The following NCOR2 variants were observed in gnomAD, a reference collection of about 807,000 sequenced individuals.
The protein encoded by NCOR2 is nuclear receptor corepressor 2, also known as CTG repeat protein 26.
In NCOR2, 81 loss-of-function variants were observed where a neutral mutation model predicts 262.9. That is an observed-to-expected ratio of 0.31 (90% CI 0.26 to 0.37). The LOEUF is 0.37. Ranked by LOEUF, NCOR2 falls within the 10% of genes least tolerant of loss-of-function variation. NCOR2 has a pLI of 1.00. For synonymous variants in NCOR2, 1,659 were observed against 1,559.3 expected, an observed-to-expected ratio of 1.06 and a Z score of -1.51; for missense variants, 3,385 against 3,621.4, an observed-to-expected ratio of 0.93 and a Z score of 1.68.
At chr12:124,452,375 C>G (rs951143672) in intron 6 of NCOR2, among the ~76,000 whole-genome samples, 2 of 152,236 alleles carry the variant, frequency 1.3e-5, no homozygotes, top group East Asian at 3.8e-4. Flanking sequence ...CTTAAAGGTT[C>G]GGGTTTTGGA....
At chr12:124,358,231 T>C (rs534346534) in intron 22 of NCOR2, among the ~76,000 whole-genome samples, 38 of 149,112 alleles carry the variant, frequency 2.5e-4, no homozygotes, top group African/African-American at 9.5e-4. Flanking sequence ...TGTGAGTGCA[T>C]GGATGTGTGT....
At chr12:124,381,755 G>A (rs565502578) in intron 17 of NCOR2, among the ~76,000 whole-genome samples, 24 of 152,370 alleles carry the variant, frequency 1.6e-4, no homozygotes, top group African/African-American at 5.8e-4. Context: ...AGAAAACAAG[G>A]CGGGGCTGGG....
At chr12:124,406,216 G>A (rs747518519) in intron 13 of NCOR2, among the ~76,000 whole-genome samples, 15 of 152,284 alleles carry the variant, frequency 9.9e-5, no homozygotes, top group South Asian at 2.1e-4. Flanking sequence ...AAAAGGGCAC[G>A]GCTGTGTGCC....
At chr12:124,425,360 C>A (rs1008511147) in intron 11 of NCOR2, among the ~76,000 whole-genome samples, 2 of 150,536 alleles carry the variant, frequency 1.3e-5, no homozygotes, top group Admixed American at 6.6e-5. Flanking sequence ...GGCAACAGAA[C>A]GAAACTCTGT....
intron 42 of NCOR2, among the ~76,000 whole-genome samples, chr12:124,332,719 C>A (rs1038936168): frequency 6.6e-6 from 1 of 152,198 alleles, no homozygotes; most frequent in African/African-American, 2.4e-5. Context: ...CTTGCTCCAG[C>A]CTGACCCTCT....
rs1359290533 is a variant in NCOR2 at position 124,482,349 on chromosome 12, C to G, written c.411+1247G>C. Among the ~76,000 whole-genome samples, 1 of 152,086 alleles carries G rather than the reference C, an allele frequency of 6.6e-6. No homozygotes were observed. Among genetic ancestry groups the G allele is most frequent in the Non-Finnish European group, 1.5e-5 (1 of 67,998 alleles). Reference sequence around the variant, plus strand: ...AGGAGGGGAAGCCCAGCCATCCCAGCCCCAGGACGGCACCCCCACCTCCTG... The same window carrying G: ...AGGAGGGGAAGCCCAGCCATCCCAGGCCCAGGACGGCACCCCCACCTCCTG... On this transcript the variant is annotated intron_variant, in intron 3 of 46. Coordinates refer to ENST00000405201, the Ensembl canonical transcript of NCOR2. The surrounding 1 kb of genome is among the most constrained non-coding windows in gnomAD (Gnocchi z 6.3).
intron 22 of NCOR2, among the ~76,000 whole-genome samples, chr12:124,358,006 G>A (rs2038115435): frequency 6.6e-6 from 1 of 151,244 alleles, no homozygotes; most frequent in Non-Finnish European, 1.5e-5. Context: ...GTGTGTGTGT[G>A]TGCACACGTG....
intron 16 of NCOR2, among the ~76,000 whole-genome samples, chr12:124,397,328 G>A (rs534446397): frequency 1.6e-4 from 24 of 152,296 alleles, no homozygotes; most frequent in Admixed American, 5.9e-4. Flanking sequence ...CAACCTAGAC[G>A]ACCCTCCCAC....
At chr12:124,478,191 T>G (rs938583083) in intron 3 of NCOR2, among the ~76,000 whole-genome samples, 2 of 152,144 alleles carry the variant, frequency 1.3e-5, no homozygotes, top group African/African-American at 4.8e-5. Context: ...CTGTGAAAGA[T>G]GGCAGAGCCA....
At chr12:124,519,234 T>C (rs2050038432) in intron 1 of NCOR2, among the ~76,000 whole-genome samples, 1 of 151,972 alleles carries the variant, frequency 6.6e-6, no homozygotes, top group Non-Finnish European at 1.5e-5. Flanking sequence ...GTGTCAACTT[T>C]CCATCCGTAG....
intron 37 of NCOR2, among the ~76,000 whole-genome samples, chr12:124,338,487 G>A (rs189938984): frequency 4.9e-5 from 7 of 142,406 alleles, no homozygotes; most frequent in East Asian, 2.1e-4. Flanking sequence ...CAGCCTGGGC[G>A]ACAGAGTACA....
In NCOR2 at chr12:124,432,608, G is replaced by T. The variant is rs1017800602; in HGVS notation, c.883-1821C>A. 9.9e-5 allele frequency among the ~76,000 whole-genome samples: 15 copies of T among 152,170 alleles called. No individual in the cohort carries two copies. Among genetic ancestry groups the T allele is most frequent in the Non-Finnish European group, 1.9e-4 (13 of 68,034 alleles). ...AACATGCGGGCCCGTCAGCCCTGGG[G>T]AGGGGCAGCCGCCAGAGAAAACCAC... On this transcript the variant is annotated intron_variant, in intron 8 of 46. Transcript: ENST00000405201. The surrounding 1 kb of genome is among the most constrained non-coding windows in gnomAD (Gnocchi z 5.1).
chr12:124,419,090 C>T (rs2043070418), intron 13 of NCOR2, among the ~76,000 whole-genome samples: 2 of 152,104 alleles, frequency 1.3e-5, no homozygotes, highest in African/African-American at 2.4e-5. Flanking sequence ...TTCAAGAGCC[C>T]GGATGCAAAA....
At chr12:124,380,750 C>T (rs1157538932) in intron 17 of NCOR2, among the ~76,000 whole-genome samples, 2 of 151,952 alleles carry the variant, frequency 1.3e-5, no homozygotes, top group African/African-American at 2.4e-5. Context: ...CTGGTGGTGG[C>T]GCCCAGCATC....
At position 124,495,154 on chromosome 12, in the gene NCOR2, G is replaced by T; in HGVS notation, c.98C>A (p.Thr33Lys). The change falls in exon 1 of 47, where the codon ACG becomes AAG. Residue 33 changes from threonine (T) to lysine (K), a missense_variant. Thr to Lys is a moderately conservative substitution (Grantham distance 78, BLOSUM62 -1). Transcript: ENST00000405201. The surrounding 1 kb of genome is among the most constrained non-coding windows in gnomAD (Gnocchi z 4.4). Reference sequence around the variant, plus strand: ...ACATGTGCACCCCCTTACCGTGTGCGTCCGGGCGATCTGCACTGGGTAGGA... The same window carrying T: ...ACATGTGCACCCCCTTACCGTGTGCTTCCGGGCGATCTGCACTGGGTAGGA... The T allele has an allele frequency of 6.2e-7, 1 of 1,613,838 alleles. No homozygotes were observed. The highest frequency in any genetic ancestry group is 8.5e-7 in the Non-Finnish European group (1 of 1,179,930).
intron 3 of NCOR2, among the ~76,000 whole-genome samples, chr12:124,475,748 A>G (rs532536173): frequency 2.3e-4 from 35 of 152,304 alleles, no homozygotes; most frequent in Middle Eastern, 3.4e-3. Context: ...TTTCTGTTTG[A>G]CGACATGCCC....
In NCOR2 at chr12:124,425,189, A is replaced by G. The variant is rs559406731; in HGVS notation, c.1328+1433T>C. Among the ~76,000 whole-genome samples, 12 of 152,264 alleles carry G rather than the reference A, an allele frequency of 7.9e-5. No homozygotes were observed. The East Asian group carries it at 2.3e-3, about 29-fold the overall frequency. ...GGAGATCGAGACCATCCTGGCTAAC[A>G]TGGTGAAACCCCATCTCTACTAAAA... is the stretch of plus-strand genomic sequence containing the variant. On this transcript the variant is annotated intron_variant, in intron 11 of 46. Coordinates refer to ENST00000405201, the Ensembl canonical transcript of NCOR2.
chr12:124,561,990 T>G (rs1262475400), intron 1 of NCOR2: 2 of 152,194 alleles, frequency 1.3e-5, no homozygotes, highest in Non-Finnish European at 2.9e-5. Context: ...CACTCCAGCC[T>G]TGGTGACAGA....
At position 124,389,308 on chromosome 12, in the gene NCOR2, G is replaced by A. The variant is rs1003194932; in HGVS notation, c.1877-3421C>T. 3.3e-5 allele frequency among the ~76,000 whole-genome samples: 5 copies of A among 152,228 alleles called. No homozygotes were observed. Among genetic ancestry groups the A allele is most frequent in the Non-Finnish European group, 5.9e-5 (4 of 68,042 alleles). On this transcript the variant is annotated intron_variant, in intron 16 of 46. Transcript: ENST00000405201. The surrounding 1 kb of genome is among the most constrained non-coding windows in gnomAD (Gnocchi z 4.4). ...TGATCTTCTTGCTGCCTGACCCAGCGAGACGCGGCAGGACTGAATGTGACC... is the reference window on the plus strand; with the variant it reads ...TGATCTTCTTGCTGCCTGACCCAGCAAGACGCGGCAGGACTGAATGTGACC...
Sources: allele counts gnomAD v4.1 joint callset (sites outside exome capture counted in the v4.1 genomes callset), GRCh38; gene constraint gnomAD v4.1.1; non-coding constraint Gnocchi (gnomAD v3.1); transcripts MANE v1.5; gene names NCBI Gene and HGNC (gene_info 2026-07-23, HGNC 2026-07-21).